The following CCDC7 variants were observed in gnomAD, a reference collection of about 807,000 sequenced individuals.
The protein encoded by CCDC7 is coiled-coil domain containing 7, also known as coiled-coil domain-containing protein 7.
A neutral mutation model predicts 196.9 loss-of-function variants in CCDC7; 183 were observed. That is an observed-to-expected ratio of 0.93 (90% CI 0.82 to 1.05). The LOEUF (loss-of-function observed/expected upper bound fraction) is 1.05. Among genes scored for constraint, CCDC7 ranks in the 50% least tolerant of loss-of-function variants. The pLI is 0.00. For missense variants in CCDC7, 1,540 were observed against 1,482.2 expected, an observed-to-expected ratio of 1.04 and a Z score of -0.64; for synonymous variants, 525 against 484.6, an observed-to-expected ratio of 1.08 and a Z score of -1.10.
intron 28 of CCDC7, 28 bp from the exon 30 acceptor site, chr10:32,778,949 C>A (rs774778283): frequency 6.7e-7 from 1 of 1,500,342 alleles, no homozygotes; most frequent in Non-Finnish European, 9.1e-7. Flanking sequence ...TTTAAATCAA[C>A]TACTTTGACA....
intron 11 of CCDC7, among the ~76,000 whole-genome samples, chr10:32,539,271 G>A (rs73253411): frequency 0.046 from 6,917 of 151,752 alleles, 533 homozygotes; most frequent in African/African-American, 0.16. Context: ...TCCATTTCTA[G>A]TTTGATGTAC....
intron 28 of CCDC7, among the ~76,000 whole-genome samples, chr10:32,775,167 G>A (rs2079802738): frequency 6.6e-6 from 1 of 152,138 alleles, no homozygotes; most frequent in African/African-American, 2.4e-5. Context: ...ATGCCTTTCA[G>A]TGATGACACT....
At chr10:32,599,478 A>T (rs2060767821) in intron 18 of CCDC7, among the ~76,000 whole-genome samples, 1 of 152,042 alleles carries the variant, frequency 6.6e-6, no homozygotes, top group Admixed American at 6.5e-5. Flanking sequence ...AGTATGTTTT[A>T]AGCCATTTCC....
intron 18 of CCDC7, among the ~76,000 whole-genome samples, chr10:32,596,931 C>G (rs550598890): frequency 6.6e-6 from 1 of 152,120 alleles, no homozygotes; most frequent in African/African-American, 2.4e-5. Context: ...GTGGGTAACC[C>G]GACCTTTCTG....
chr10:32,792,101 C>T (rs900212460), intron 29 of CCDC7, among the ~76,000 whole-genome samples: 3 of 151,982 alleles, frequency 2.0e-5, no homozygotes, highest in Admixed American at 6.5e-5. Context: ...CTATACCCAT[C>T]AAAGATGTTC....
intron 13 of CCDC7, among the ~76,000 whole-genome samples, chr10:32,563,279 C>T (rs2056109364): frequency 6.6e-6 from 1 of 152,116 alleles, no homozygotes; most frequent in Non-Finnish European, 1.5e-5. Flanking sequence ...TGACTTTCTT[C>T]ACAGAATTGG....
chr10:32,483,028 T>A (rs996433407), intron 8 of CCDC7, among the ~76,000 whole-genome samples: 2 of 152,214 alleles, frequency 1.3e-5, no homozygotes, highest in African/African-American at 4.8e-5. Flanking sequence ...ATGGGATTGC[T>A]GGGTCAAATG....
chr10:32,635,278 T>A (rs1468525952), intron 20 of CCDC7, 120 bp downstream of exon 21: 2 of 382,056 alleles, frequency 5.2e-6, no homozygotes, highest in Non-Finnish European at 9.2e-6. Flanking sequence ...CTTCTAGATC[T>A]ATACTGGTGT....
intron 20 of CCDC7, among the ~76,000 whole-genome samples, chr10:32,652,742 AT>A (rs1246192397): frequency 6.6e-6 from 1 of 152,154 alleles, no homozygotes; most frequent in African/African-American, 2.4e-5. Context: ...CAATTTCTAT[AT>A]TTTTGTACTG....
At chr10:32,620,213 G>A (rs143996971) in intron 18 of CCDC7, among the ~76,000 whole-genome samples, 3 of 152,162 alleles carry the variant, frequency 2.0e-5, no homozygotes, top group African/African-American at 4.8e-5. Context: ...ATGAGCCACT[G>A]TGCCCAGCCC....
intron 38 of CCDC7, 99 bp downstream of exon 39, chr10:32,848,015 A>T (rs1427726020): frequency 6.7e-5 from 41 of 616,400 alleles, no homozygotes; most frequent in Non-Finnish European, 5.3e-6. Flanking sequence ...TTAATATTTC[A>T]TGGGCAAATG....
In CCDC7 at chr10:32,648,988, C is replaced by T. The variant is rs139743937; in HGVS notation, c.2014+13830C>T. ...AATACTATGCAGTCATAAAAAGGAA[C>T]CAGATCATGTCCTTTTGTAGGAATA... On this transcript the variant is annotated intron_variant, in intron 20 of 41. Coordinates refer to ENST00000639629, the Ensembl canonical transcript of CCDC7. Among the ~76,000 whole-genome samples, 393 of 152,242 alleles carry T rather than the reference C, an allele frequency of 2.6e-3. 2 individuals are homozygous for T. Among genetic ancestry groups the T allele is most frequent in the Admixed American group, 9.6e-3 (147 of 15,290 alleles).
At chr10:32,689,788 G>T (rs1436067849) in intron 23 of CCDC7, among the ~76,000 whole-genome samples, 1 of 151,910 alleles carries the variant, frequency 6.6e-6, no homozygotes, top group East Asian at 1.9e-4. Flanking sequence ...AGACTGGAGT[G>T]CAGTGGCCCG....
chr10:32,528,737 T>G (rs1049875322), intron 11 of CCDC7, among the ~76,000 whole-genome samples: 53 of 143,856 alleles, frequency 3.7e-4, no homozygotes, highest in African/African-American at 1.3e-3. Flanking sequence ...TTTACGTATA[T>G]ATGTATATAT....
chr10:32,668,271 A>T (rs1195261522), intron 21 of CCDC7, among the ~76,000 whole-genome samples: 1 of 152,256 alleles, frequency 6.6e-6, no homozygotes, highest in East Asian at 1.9e-4. Flanking sequence ...GATTTTGGGC[A>T]GAGATGATGG....
chr10:32,871,957 T>G (rs571349545), intron 41 of CCDC7, among the ~76,000 whole-genome samples: 4 of 152,176 alleles, frequency 2.6e-5, no homozygotes, highest in African/African-American at 9.7e-5. Context: ...TGCACTGTGG[T>G]CTGAGAGACA....
intron 13 of CCDC7, among the ~76,000 whole-genome samples, chr10:32,553,350 G>C (rs1192865211): frequency 6.6e-6 from 1 of 151,776 alleles, no homozygotes; most frequent in Non-Finnish European, 1.5e-5. Context: ...GGATTTCCTT[G>C]CATTGAGCTT....
chr10:32,596,444 G>C (rs1016741968), intron 18 of CCDC7, among the ~76,000 whole-genome samples: 1 of 151,988 alleles, frequency 6.6e-6, no homozygotes, highest in South Asian at 2.1e-4. Flanking sequence ...ACATGAGATG[G>C]TTCTCCTGAA....
At chr10:32,455,437 C>T (rs1008536194) in intron 2 of CCDC7, among the ~76,000 whole-genome samples, 7 of 152,042 alleles carry the variant, frequency 4.6e-5, no homozygotes, top group African/African-American at 1.4e-4. Context: ...GCCTCAGCCA[C>T]CCACGTAGCT....
Sources: gnomAD v4.1 joint callset for allele counts (sites outside exome capture counted in the v4.1 genomes callset) on GRCh38, gnomAD v4.1.1 for gene constraint, MANE v1.5 for transcripts, NCBI Gene and HGNC (gene_info 2026-07-23, HGNC 2026-07-21) for gene names.